The following PLD5 variants were observed in gnomAD, a reference collection of about 807,000 sequenced individuals.
The protein encoded by PLD5 is phospholipase D family member 5.
PLD5 carries 36 observed loss-of-function variants against 61.1 expected under a neutral mutation model. That is an observed-to-expected ratio of 0.59 (90% CI 0.45 to 0.78). PLD5 has a LOEUF of 0.78. Among genes scored for constraint, PLD5 ranks in the 30% least tolerant of loss-of-function variants. The probability of loss-of-function intolerance (pLI) is 0.00; values close to 1 mark genes in which losing one functional copy is unlikely to be tolerated. For synonymous variants in PLD5, 243 were observed against 242.8 expected (o/e 1.00, Z -0.01); for missense variants, 515 against 644.4 (o/e 0.80, Z 2.17).
intron 2 of PLD5, among the ~76,000 whole-genome samples, chr1:242,332,085 G>A (rs1282737383): frequency 1.3e-5 from 2 of 151,658 alleles, no homozygotes; most frequent in Non-Finnish European, 2.9e-5. Context: ...CCCTCCCTGT[G>A]TCCATGTGTT....
rs7525391 is a variant in PLD5 at position 242,207,764 on chromosome 1, T to A, written c.735+12224A>T. On this transcript the variant is annotated intron_variant, in intron 5 of 9. Coordinates refer to ENST00000536534, the MANE Select transcript of PLD5 (RefSeq NM_001372062.1). ...TATATATATTTATATATATTTATAT[T>A]TATATATATTTATATATATTTATAT... is the stretch of plus-strand genomic sequence containing the variant. Among the ~76,000 whole-genome samples the A allele has an allele frequency of 5.7e-3, 383 of 66,626 alleles. 18 individuals carry two copies. Among genetic ancestry groups the A allele is most frequent in the Middle Eastern group, 0.015 (2 of 132 alleles). 43.7% of individuals were successfully genotyped at this position (66,626 alleles called of 152,430 possible). A position where few individuals can be genotyped will look rare whatever the true frequency, so the allele number is the denominator to read the frequency against.
intron 5 of PLD5, chr1:242,177,985 G>A (rs1667278137): frequency 6.6e-6 from 1 of 152,216 alleles, no homozygotes; most frequent in Non-Finnish European, 1.5e-5. Flanking sequence ...CATTGGGCTG[G>A]TGCCCACTTC....
At chr1:242,127,460 A>G (rs769924522) in intron 5 of PLD5, among the ~76,000 whole-genome samples, 1 of 152,210 alleles carries the variant, frequency 6.6e-6, no homozygotes, top group Non-Finnish European at 1.5e-5. Context: ...ATATGTTGGA[A>G]TACTACTCAG....
At chr1:242,519,398 G>A (rs1398744424) in intron 1 of PLD5, among the ~76,000 whole-genome samples, 1 of 152,194 alleles carries the variant, frequency 6.6e-6, no homozygotes, top group East Asian at 1.9e-4. Context: ...TTCACACTTA[G>A]AGGAGACAAT....
chr1:242,269,320 T>C (rs1343446131), intron 3 of PLD5, among the ~76,000 whole-genome samples: 1 of 152,132 alleles, frequency 6.6e-6, no homozygotes. Context: ...AATTTGTAAA[T>C]GAAGTCTGTA....
At chr1:242,091,393 GAGT>G (rs1558208608) in intron 9 of PLD5, among the ~76,000 whole-genome samples, 1 of 152,118 alleles carries the variant, frequency 6.6e-6, no homozygotes, top group Non-Finnish European at 1.5e-5. Flanking sequence ...TGGAGAGCTA[GAGT>G]AATGCCATTT....
At chr1:242,302,951 C>T (rs1029122847) in intron 2 of PLD5, among the ~76,000 whole-genome samples, 7 of 152,048 alleles carry the variant, frequency 4.6e-5, no homozygotes, top group African/African-American at 1.7e-4. Context: ...AGAGTCTGGA[C>T]ATGGGTTGGG....
intron 1 of PLD5, among the ~76,000 whole-genome samples, chr1:242,464,718 C>T (rs1168991334): frequency 6.6e-6 from 1 of 152,166 alleles, no homozygotes; most frequent in Non-Finnish European, 1.5e-5. Context: ...CATCATCATA[C>T]CATCACCATG....
At chr1:242,466,052 CA>C (rs1414275723) in intron 1 of PLD5, among the ~76,000 whole-genome samples, 1 of 152,174 alleles carries the variant, frequency 6.6e-6, no homozygotes, top group South Asian at 2.1e-4. Context: ...CACATCTTGT[CA>C]AAGAGTCTTA....
intron 1 of PLD5, among the ~76,000 whole-genome samples, chr1:242,390,886 T>C: frequency 9.8e-6 from 1 of 102,034 alleles, no homozygotes; most frequent in South Asian, 3.3e-4. Flanking sequence ...TTCAAGTTTT[T>C]ATGGTAGTCA....
chr1:242,377,260 G>T (rs1177068736), intron 1 of PLD5: 1 of 1,610,162 alleles, frequency 6.2e-7, no homozygotes, highest in East Asian at 2.2e-5. Flanking sequence ...ACGTGTTCGT[G>T]GAACTGCAGC....
At chr1:242,434,483 A>G (rs1328602379) in intron 1 of PLD5, among the ~76,000 whole-genome samples, 2 of 152,372 alleles carry the variant, frequency 1.3e-5, no homozygotes, top group South Asian at 2.1e-4. Context: ...TACAGGAGTC[A>G]GGAAGCAATG....
intron 1 of PLD5, among the ~76,000 whole-genome samples, chr1:242,434,596 A>T (rs2342269): frequency 0.26 from 38,877 of 151,994 alleles, 6,125 homozygotes; most frequent in African/African-American, 0.44. Context: ...CTATTGAGAC[A>T]TCCCTTGTTT....
chr1:242,382,718 C>T (rs1662370081), intron 1 of PLD5, among the ~76,000 whole-genome samples: 1 of 152,128 alleles, frequency 6.6e-6, no homozygotes, highest in Non-Finnish European at 1.5e-5. Context: ...CAGGAGAAAC[C>T]TTCCTGATTG....
At chr1:242,413,309 CTTT>C (rs112704103) in intron 1 of PLD5, among the ~76,000 whole-genome samples, 1 of 145,626 alleles carries the variant, frequency 6.9e-6, no homozygotes, top group African/African-American at 2.5e-5. Flanking sequence ...CATGATCTCT[CTTT>C]TTTTTTTTTC....
At chr1:242,231,953 G>GAAAAAAAAAAAAAA (rs1671335080) in intron 4 of PLD5, among the ~76,000 whole-genome samples, 1 of 144,260 alleles carries the variant, frequency 6.9e-6, no homozygotes, top group Non-Finnish European at 1.5e-5. Flanking sequence ...AAAAAAAAAA[G>GAAAAAAAAAAAAAA]AAAGAAAAAG....
chr1:242,512,162 A>G (rs138501495), intron 1 of PLD5, among the ~76,000 whole-genome samples: 4,491 of 152,000 alleles, frequency 0.03, 228 homozygotes, highest in African/African-American at 0.1. Context: ...CTGTAATCCC[A>G]GCACTTTGGG....
chr1:242,093,618 C>T (rs995186489), intron 9 of PLD5, among the ~76,000 whole-genome samples: 2 of 151,922 alleles, frequency 1.3e-5, no homozygotes, highest in Non-Finnish European at 2.9e-5. Flanking sequence ...CCCCGGGGTC[C>T]ACCCTTTACT....
chr1:242,346,013 TCCC>T lies in PLD5; in HGVS notation c.326+2090_326+2092del, dbSNP rs71176750. 3.2e-3 allele frequency among the ~76,000 whole-genome samples: 332 copies of T among 102,336 alleles called. 2 individuals are homozygous for T. Among genetic ancestry groups the T allele is most frequent in the African/African-American group, 0.012 (305 of 26,454 alleles). 67.1% of individuals were successfully genotyped at this position (102,336 alleles called of 152,430 possible). A position where few individuals can be genotyped will look rare whatever the true frequency, so the allele number is the denominator to read the frequency against. ...GGTGATGTATGTTTCAGAAAAGATCTCCCCCCCCCCCATATATACAACCATATA... is the reference window on the plus strand; with the variant it reads ...GGTGATGTATGTTTCAGAAAAGATCTCCCCCCCCATATATACAACCATATA... On this transcript the variant is annotated intron_variant, in intron 2 of 9. Transcript: ENST00000536534.
Sources: gnomAD v4.1 joint callset for allele counts (sites outside exome capture counted in the v4.1 genomes callset) on GRCh38, gnomAD v4.1.1 for gene constraint, MANE v1.5 for transcripts, NCBI Gene and HGNC (gene_info 2026-07-23, HGNC 2026-07-21) for gene names.